The following XYLT1 variants were observed in gnomAD, a reference collection of about 807,000 sequenced individuals.
XYLT1 encodes the protein beta-D-xylosyltransferase 1.
In XYLT1, 36 loss-of-function variants were observed where a neutral mutation model predicts 91.3. That is an observed-to-expected ratio of 0.39 (90% CI 0.30 to 0.52). XYLT1 has a LOEUF of 0.52. Ranked by LOEUF, XYLT1 falls within the 20% of genes least tolerant of loss-of-function variation. The pLI is 0.68. For synonymous variants in XYLT1, 588 were observed against 532.0 expected (o/e 1.11, Z -1.45); for missense variants, 1,242 against 1,284.5 (o/e 0.97, Z 0.51).
intron 1 of XYLT1, among the ~76,000 whole-genome samples, chr16:17,379,769 A>T (rs1381508658): frequency 1.6e-4 from 23 of 145,368 alleles, no homozygotes; most frequent in African/African-American, 2.4e-4. Flanking sequence ...TCTCTCACAC[A>T]CACACACACA....
chr16:17,259,344 G>A lies in XYLT1; in HGVS notation c.557C>T (p.Pro186Leu), dbSNP rs532056868. 1.2e-5 allele frequency: 20 copies of A among 1,614,066 alleles called. No individual in the cohort carries two copies. In the East Asian group the frequency reaches 1.3e-4, roughly 11 times the overall value. ...TTTCAAAAGCTCCTTCTGTCTACTC[G>A]GTGGCTTCTTCGCCAACTCAGGCTG... Reference protein sequence around the residue: ...KHQPELAKKPPSRQKELLKRK... With the variant: ...KHQPELAKKPLSRQKELLKRK... The change falls in exon 3 of 12, where the codon CCG becomes CTG. Residue 186 changes from proline (P) to leucine (L), a missense_variant. Coordinates refer to ENST00000261381, the MANE Select transcript of XYLT1 (RefSeq NM_022166.4).
At chr16:17,327,606 G>GCCCCCCCC (rs59482549) in intron 2 of XYLT1, among the ~76,000 whole-genome samples, 1 of 2,108 alleles carries the variant, frequency 4.7e-4, no homozygotes, top group African/African-American at 9.8e-4. Flanking sequence ...TCGTGATCCC[G>GCCCCCCCC]CCCCCCCCCC....
At chr16:17,155,488 G>C (rs151064632) in intron 6 of XYLT1, among the ~76,000 whole-genome samples, 1 of 152,222 alleles carries the variant, frequency 6.6e-6, no homozygotes, top group Non-Finnish European at 1.5e-5. Flanking sequence ...CCCACCAAAA[G>C]AGTTCTCCCT....
intron 2 of XYLT1, among the ~76,000 whole-genome samples, chr16:17,268,169 G>C (rs2033834501): frequency 6.6e-6 from 1 of 152,170 alleles, no homozygotes; most frequent in South Asian, 2.1e-4. Flanking sequence ...TCAGAAATCA[G>C]AAGCAAATGT....
At chr16:17,163,038 G>T (rs1026219762) in intron 5 of XYLT1, among the ~76,000 whole-genome samples, 1 of 152,200 alleles carries the variant, frequency 6.6e-6, no homozygotes, top group African/African-American at 2.4e-5. Context: ...TTATATAATA[G>T]CATTATTATT....
At chr16:17,297,430 A>C (rs1161878907) in intron 2 of XYLT1, among the ~76,000 whole-genome samples, 1 of 152,052 alleles carries the variant, frequency 6.6e-6, no homozygotes, top group East Asian at 1.9e-4. Context: ...AAAGTAAAAA[A>C]CTTAGCTGGG....
Position 17,332,565 on chromosome 16 carries a change from C to CAT in XYLT1, c.402+25445_402+25446dup, listed in dbSNP as rs1180424677. ...TGACAGAGCCAGAGTCCATCACACA[C>CAT]ATACACACACACACACACACACACA... is the stretch of plus-strand genomic sequence containing the variant. On this transcript the variant is annotated intron_variant, in intron 2 of 11. Transcript: ENST00000261381. Among the ~76,000 whole-genome samples the CAT allele has an allele frequency of 4.5e-3, 378 of 83,694 alleles. 1 individual carries two copies. The highest frequency in any genetic ancestry group is 0.015 in the African/African-American group (355 of 24,202). The allele number at this position is 83,694 out of a possible 152,430, so 54.9% of individuals were successfully genotyped here.
chr16:17,468,942 A>T (rs2036938654), intron 1 of XYLT1, among the ~76,000 whole-genome samples: 1 of 152,196 alleles, frequency 6.6e-6, no homozygotes, highest in African/African-American at 2.4e-5. Context: ...CAAGAGTTCA[A>T]AGGCAGCGTT....
At chr16:17,405,797 AAAG>A (rs2036025888) in intron 1 of XYLT1, among the ~76,000 whole-genome samples, 1 of 152,308 alleles carries the variant, frequency 6.6e-6, no homozygotes, top group Admixed American at 6.5e-5. Flanking sequence ...ATGAGAGTGA[AAAG>A]AAGGGCACAG....
At chr16:17,149,707 T>C (rs185668098) in intron 6 of XYLT1, among the ~76,000 whole-genome samples, 185 of 152,294 alleles carry the variant, frequency 1.2e-3, no homozygotes, top group Admixed American at 3.3e-3. Context: ...TATTATTCTA[T>C]TGGGATGCAG....
chr16:17,128,283 T>C (rs1012951280), intron 9 of XYLT1, among the ~76,000 whole-genome samples: 8 of 152,358 alleles, frequency 5.3e-5, no homozygotes, highest in Non-Finnish European at 5.9e-5. Flanking sequence ...GGCATCTATC[T>C]ATCCTAGCTA....
At chr16:17,299,028 T>A (rs142077589) in intron 2 of XYLT1, among the ~76,000 whole-genome samples, 3,150 of 152,186 alleles carry the variant, frequency 0.021, 48 homozygotes, top group Middle Eastern at 0.037. Flanking sequence ...ATTCTATTTA[T>A]ATATAATATT....
At chr16:17,374,061 T>A (rs1461212755) in intron 1 of XYLT1, among the ~76,000 whole-genome samples, 1 of 152,142 alleles carries the variant, frequency 6.6e-6, no homozygotes, top group Non-Finnish European at 1.5e-5. Flanking sequence ...TCAGAAAGGT[T>A]CTTTCAGAAA....
intron 9 of XYLT1, among the ~76,000 whole-genome samples, chr16:17,129,423 G>C (rs1322760371): frequency 1.3e-5 from 2 of 152,040 alleles, no homozygotes; most frequent in Admixed American, 6.5e-5. Context: ...CACCATGCCC[G>C]GCTAATTTTT....
intron 1 of XYLT1, among the ~76,000 whole-genome samples, chr16:17,469,083 C>T (rs189429223): frequency 6.6e-6 from 1 of 152,320 alleles, no homozygotes; most frequent in Admixed American, 6.5e-5. Context: ...CACACAGCAA[C>T]GTGAAATGCC....
chr16:17,359,044 A>C, intron 1 of XYLT1, among the ~76,000 whole-genome samples: 1 of 152,188 alleles, frequency 6.6e-6, no homozygotes, highest in Non-Finnish European at 1.5e-5. Flanking sequence ...AGGAGGAGGA[A>C]AAGACTGATG....
At chr16:17,239,204 CCATCCATCCATCCATT>C (rs917966585) in intron 3 of XYLT1, among the ~76,000 whole-genome samples, 14 of 138,772 alleles carry the variant, frequency 1.0e-4, no homozygotes, top group African/African-American at 2.8e-4. Context: ...TGTAATTCAT[CCATCCATCCATCCATT>C]CATCCATCCA....
chr16:17,276,576 T>C (rs1405026855), intron 2 of XYLT1, among the ~76,000 whole-genome samples: 1 of 152,186 alleles, frequency 6.6e-6, no homozygotes, highest in Non-Finnish European at 1.5e-5. Flanking sequence ...CTACCAACTT[T>C]CGCGTGCACT....
At chr16:17,358,912 G>C (rs2035343737) in intron 1 of XYLT1, among the ~76,000 whole-genome samples, 2 of 152,084 alleles carry the variant, frequency 1.3e-5, no homozygotes, top group African/African-American at 4.8e-5. Flanking sequence ...GATAGAGAAG[G>C]CCAGAGAAAT....
Sources: gnomAD v4.1 joint callset for allele counts (sites outside exome capture counted in the v4.1 genomes callset) on GRCh38, gnomAD v4.1.1 for gene constraint, MANE v1.5 for transcripts, NCBI Gene and HGNC (gene_info 2026-07-23, HGNC 2026-07-21) for gene names.